Variants in STK32C observed in about 807,000 individuals in gnomAD.
The protein encoded by STK32C is serine/threonine-protein kinase 32C.
In STK32C, 31 loss-of-function variants were observed where a neutral mutation model predicts 56.5. The ratio of observed to expected loss-of-function variants is 0.55; its 90% confidence interval spans 0.41 to 0.74. The LOEUF is 0.74. Ranked by LOEUF, STK32C falls within the 30% of genes least tolerant of loss-of-function variation. STK32C has a pLI of 0.00. For missense variants in STK32C, 544 were observed against 676.9 expected (o/e 0.80, Z 2.18); for synonymous variants, 309 against 289.4 (o/e 1.07, Z -0.69).
intron 1 of STK32C, among the ~76,000 whole-genome samples, chr10:132,259,281 C>A (rs1021501990): frequency 6.6e-6 from 1 of 152,228 alleles, no homozygotes; most frequent in Non-Finnish European, 1.5e-5. Flanking sequence ...GTGTTCCCAC[C>A]CAAATCTCAT....
At chr10:132,251,317 G>A (rs556106275) in intron 1 of STK32C, among the ~76,000 whole-genome samples, 94 of 152,320 alleles carry the variant, frequency 6.2e-4, no homozygotes, top group Non-Finnish European at 1.2e-3. Context: ...GCAGAGGGAC[G>A]GGTCTGCGTG....
Position 132,331,724 on chromosome 10 carries a change from C to T in STK32C, c.13G>A (p.Val5Ile). Reference sequence around the variant, plus strand: ...GCCCCGGGCCCTCCGGCTCCCCAGACGGCACTTAGCATCCCGCTCTCTTCC... The same window carrying T: ...GCCCCGGGCCCTCCGGCTCCCCAGATGGCACTTAGCATCCCGCTCTCTTCC... Residue 5 changes from valine to isoleucine, a missense_variant, in exon 1 of 2, where the codon GTC (valine) becomes ATC (isoleucine). Physicochemically the swap from Val to Ile is conservative, Grantham distance 29 (BLOSUM62 3). Coordinates refer to the STK32C transcript ENST00000368619. The T allele has an allele frequency of 3.1e-6, 5 of 1,612,544 alleles. 1 individual carries two copies. Among genetic ancestry groups the T allele is most frequent in the Non-Finnish European group, 4.2e-6 (5 of 1,179,868 alleles).
chr10:132,257,612 T>C (rs1218244909), intron 1 of STK32C, among the ~76,000 whole-genome samples: 1 of 151,832 alleles, frequency 6.6e-6, no homozygotes, highest in Non-Finnish European at 1.5e-5. Context: ...CCCCATCTGG[T>C]GCCCACCCCC....
chr10:132,323,094 T>C (rs913606624), downstream of STK32C, among the ~76,000 whole-genome samples: 4 of 152,160 alleles, frequency 2.6e-5, no homozygotes, highest in African/African-American at 9.7e-5. The surrounding 1 kb of genome is among the most constrained non-coding windows in gnomAD (Gnocchi z 4.8). Context: ...TGTACTATGA[T>C]TATTTCCCTT....
chr10:132,327,184 T>C (rs1419989109), intron 1 of STK32C, among the ~76,000 whole-genome samples: 9 of 152,166 alleles, frequency 5.9e-5, no homozygotes, highest in Non-Finnish European at 1.3e-4. Context: ...CAGGCTGTTC[T>C]TGTGATAGTG....
At chr10:132,331,691 C>T in exon 1 of STK32C, 1 of 1,612,726 alleles carries the variant, frequency 6.2e-7, no homozygotes, top group Non-Finnish European at 8.5e-7. Context: ...CCTCGAGCAG[C>T]CCCGCCCGCC....
intron 7 of STK32C, among the ~76,000 whole-genome samples, chr10:132,224,819 G>A (rs1197605061): frequency 6.6e-6 from 1 of 152,160 alleles, no homozygotes; most frequent in Non-Finnish European, 1.5e-5. Flanking sequence ...CAGAGGTGGG[G>A]TCCTGTGCAG....
chr10:132,329,948 C>G (rs2066605947), intron 1 of STK32C, among the ~76,000 whole-genome samples: 1 of 151,944 alleles, frequency 6.6e-6, no homozygotes, highest in Non-Finnish European at 1.5e-5. Flanking sequence ...ATGCCACGGG[C>G]AGCAAACTTC....
intron 1 of STK32C, among the ~76,000 whole-genome samples, chr10:132,252,123 C>G (rs2063932410): frequency 6.6e-6 from 1 of 152,256 alleles, no homozygotes; most frequent in African/African-American, 2.4e-5. Context: ...AGTCTCTGGC[C>G]AAGAACCCGC....
At chr10:132,275,883 C>A (rs1446937515) in intron 1 of STK32C, among the ~76,000 whole-genome samples, 1 of 152,198 alleles carries the variant, frequency 6.6e-6, no homozygotes, top group Non-Finnish European at 1.5e-5. Flanking sequence ...GACACCCAGG[C>A]CTGTGTCGGG....
chr10:132,233,714 G>C (rs1433371296), intron 2 of STK32C, among the ~76,000 whole-genome samples: 1 of 152,240 alleles, frequency 6.6e-6, no homozygotes, highest in Non-Finnish European at 1.5e-5. Flanking sequence ...ATGGCTGTCA[G>C]GTGTTGGTGG....
intron 2 of STK32C, among the ~76,000 whole-genome samples, chr10:132,241,568 T>C (rs1378397173): frequency 6.6e-6 from 1 of 152,192 alleles, no homozygotes; most frequent in African/African-American, 2.4e-5. Flanking sequence ...ACGTAACTCC[T>C]ATCCAAATCC....
upstream of STK32C, among the ~76,000 whole-genome samples, chr10:132,312,549 G>T (rs2066241767): frequency 6.6e-6 from 1 of 152,120 alleles, no homozygotes; most frequent in Admixed American, 6.5e-5. Flanking sequence ...TCAAAAGGGA[G>T]AAATAAGAAG....
chr10:132,219,921 G>C (rs956623468), intron 10 of STK32C, among the ~76,000 whole-genome samples: 1 of 152,102 alleles, frequency 6.6e-6, no homozygotes, highest in Non-Finnish European at 1.5e-5. Flanking sequence ...TCCACCACAG[G>C]CTCAGGCAGA....
intron 1 of STK32C, among the ~76,000 whole-genome samples, chr10:132,331,200 CAAAAAAAA>C (rs35734065): frequency 5.3e-5 from 3 of 56,306 alleles, no homozygotes; most frequent in South Asian, 7.7e-4. Context: ...GACTCCACCT[CAAAAAAAA>C]AAAAAAAAAA....
intron 10 of STK32C, among the ~76,000 whole-genome samples, chr10:132,214,879 C>G (rs2062421190): frequency 6.6e-6 from 1 of 152,120 alleles, no homozygotes; most frequent in Non-Finnish European, 1.5e-5. Context: ...GTATAATTAA[C>G]AGGCCAGGAG....
At chr10:132,214,352 C>T (rs540000546) in intron 10 of STK32C, among the ~76,000 whole-genome samples, 26 of 152,122 alleles carry the variant, frequency 1.7e-4, no homozygotes, top group African/African-American at 5.5e-4. Flanking sequence ...AAGAAGAGAG[C>T]GGAGTGAAAT....
chr10:132,304,530 A>T (rs902960640), intron 1 of STK32C, among the ~76,000 whole-genome samples: 1 of 152,244 alleles, frequency 6.6e-6, no homozygotes, highest in African/African-American at 2.4e-5. Flanking sequence ...GCAAATTGGC[A>T]TGCAGAGCAG....
chr10:132,258,427 C>T (rs765319487), intron 1 of STK32C, among the ~76,000 whole-genome samples: 9 of 152,260 alleles, frequency 5.9e-5, no homozygotes, highest in South Asian at 4.1e-4. Flanking sequence ...TCACCCCCCA[C>T]GGGGCCCTTC....
Sources: gnomAD v4.1 joint callset for allele counts (sites outside exome capture counted in the v4.1 genomes callset) on GRCh38, gnomAD v4.1.1 for gene constraint, Gnocchi (gnomAD v3.1) non-coding constraint, MANE v1.5 for transcripts, NCBI Gene and HGNC (gene_info 2026-07-23, HGNC 2026-07-21) for gene names.